ARFGEF2: variants seen among roughly 807,000 people sequenced by gnomAD.
ARFGEF2 encodes the protein brefeldin A-inhibited guanine nucleotide-exchange protein 2.
In ARFGEF2, 74 loss-of-function variants were observed where a neutral mutation model predicts 219.9. That is an observed-to-expected ratio of 0.34 (90% CI 0.28 to 0.41). ARFGEF2 has a LOEUF of 0.41. Ranked by LOEUF, ARFGEF2 falls within the 10% of genes least tolerant of loss-of-function variation. The pLI, the probability that ARFGEF2 is intolerant of heterozygous loss-of-function variation, is 1.00. For synonymous variants in ARFGEF2, 733 were observed against 799.2 expected, an observed-to-expected ratio of 0.92 and a Z score of 1.40; for missense variants, 1,743 against 2,218.3, an observed-to-expected ratio of 0.79 and a Z score of 4.30.
At chr20:49,020,335 G>A (rs1206067112) in intron 34 of ARFGEF2, among the ~76,000 whole-genome samples, 2 of 152,232 alleles carry the variant, frequency 1.3e-5, no homozygotes, top group East Asian at 1.9e-4. Flanking sequence ...AATAAAAGTA[G>A]TCACCCTTGA....
At chr20:48,950,546 A>G (rs1278991432) in intron 3 of ARFGEF2, among the ~76,000 whole-genome samples, 1 of 151,788 alleles carries the variant, frequency 6.6e-6, no homozygotes, top group Non-Finnish European at 1.5e-5. Context: ...TGTAATTCCA[A>G]CACTTTGAGA....
chr20:49,009,567 GATA>G (rs1174998979), intron 26 of ARFGEF2, among the ~76,000 whole-genome samples: 1 of 152,144 alleles, frequency 6.6e-6, no homozygotes, highest in Non-Finnish European at 1.5e-5. Flanking sequence ...CTATTTGTGA[GATA>G]ATAAGGTTCC....
At chr20:49,024,032 C>T (rs906902768) in intron 35 of ARFGEF2, among the ~76,000 whole-genome samples, 5 of 152,176 alleles carry the variant, frequency 3.3e-5, no homozygotes, top group African/African-American at 1.2e-4. Flanking sequence ...GGTGCAATCA[C>T]AGAATCACAG....
At chr20:48,945,154 A>C (rs570848391) in intron 3 of ARFGEF2, among the ~76,000 whole-genome samples, 1 of 152,142 alleles carries the variant, frequency 6.6e-6, no homozygotes, top group African/African-American at 2.4e-5. Context: ...AAGCCTGATT[A>C]TTTCTCAAAG....
chr20:48,996,105 A>G (rs2091384517), intron 23 of ARFGEF2, among the ~76,000 whole-genome samples: 1 of 152,200 alleles, frequency 6.6e-6, no homozygotes, highest in African/African-American at 2.4e-5. Context: ...GCTTATGTTG[A>G]TGTTTTAAAT....
chr20:48,941,635 G>A (rs544690868), intron 2 of ARFGEF2, among the ~76,000 whole-genome samples: 7 of 152,180 alleles, frequency 4.6e-5, no homozygotes, highest in African/African-American at 7.2e-5. Flanking sequence ...GCTGCCACCA[G>A]GATTCAGTCC....
At chr20:49,028,712 A>C in intron 37 of ARFGEF2, 44 bp downstream of exon 37, 2 of 1,585,096 alleles carry the variant, frequency 1.3e-6, no homozygotes, top group Non-Finnish European at 1.7e-6. Context: ...TGCTATATAC[A>C]AAATGCATCA....
chr20:48,989,867 T>TA (rs1453612479), intron 20 of ARFGEF2, among the ~76,000 whole-genome samples, 183 bp downstream of exon 20: 2 of 152,152 alleles, frequency 1.3e-5, no homozygotes, highest in Non-Finnish European at 2.9e-5. Context: ...AAAATGGAGA[T>TA]ACGGATTAAA....
Position 48,984,859 on chromosome 20 carries a change from G to C in ARFGEF2, c.2070+19G>C, listed in dbSNP as rs1468440577. On this transcript the variant is annotated intron_variant, in intron 15 of 38. Transcript: ENST00000371917. ...GGATTCCGTAAGGCTTGGGGGTGTA[G>C]CACTTGCATGTGAGTTCTGTCAGGT... The C allele has an allele frequency of 6.2e-7, 1 of 1,612,110 alleles. No individual in the cohort carries two copies. Among genetic ancestry groups the C allele is most frequent in the African/African-American group, 1.3e-5 (1 of 74,844 alleles).
intron 25 of ARFGEF2, among the ~76,000 whole-genome samples, chr20:49,004,359 G>T (rs1325114565): frequency 6.6e-6 from 1 of 151,888 alleles, no homozygotes; most frequent in Admixed American, 6.6e-5. Context: ...AAAGAAAAGA[G>T]TTCTGATTGG....
intron 3 of ARFGEF2, among the ~76,000 whole-genome samples, chr20:48,945,820 T>G (rs888960282): frequency 6.6e-6 from 1 of 152,108 alleles, no homozygotes; most frequent in African/African-American, 2.4e-5. Context: ...GCCGTGATGG[T>G]GACACCTAAC....
intron 26 of ARFGEF2, among the ~76,000 whole-genome samples, chr20:49,005,610 C>T (rs1426230468): frequency 1.3e-5 from 2 of 151,448 alleles, no homozygotes; most frequent in Non-Finnish European, 2.9e-5. Context: ...TGGTGGCGGG[C>T]GCCTATAGGT....
At chr20:48,936,415 G>T (rs2090957909) in intron 1 of ARFGEF2, among the ~76,000 whole-genome samples, 1 of 151,604 alleles carries the variant, frequency 6.6e-6, no homozygotes, top group Non-Finnish European at 1.5e-5. Flanking sequence ...TTCCCAGACG[G>T]GGTGGCTGCT....
intron 34 of ARFGEF2, 78 bp from the exon 35 acceptor site, chr20:49,022,973 A>G (rs1184479224): frequency 1.3e-6 from 2 of 1,585,212 alleles, no homozygotes; most frequent in Non-Finnish European, 1.7e-6. Context: ...CATGCCTTGC[A>G]CATAGTAGGA....
Position 49,013,901 on chromosome 20 carries a change from C to T in ARFGEF2, c.4120C>T (p.Leu1374=), listed in dbSNP as rs139603274. 4.8e-5 allele frequency: 78 copies of T among 1,614,018 alleles called. No homozygotes were observed. Among genetic ancestry groups the T allele is most frequent in the Middle Eastern group, 1.6e-4 (1 of 6,084 alleles). Residue 1374 remains leucine (L), a synonymous_variant, in exon 30 of 39, where the codon CTG becomes TTG. Coordinates refer to ENST00000371917, the MANE Select transcript of ARFGEF2 (RefSeq NM_006420.3). ...HTFEKHWWQD[L]FRIVFRIFDN... ...CTTTGAAAAGCACTGGTGGCAGGAC[C>T]TGTTCAGAATCGTGTTTCGGATTTT...
chr20:48,974,118 A>ATTTTT lies in ARFGEF2; in HGVS notation c.1666-627_1666-623dup, dbSNP rs57941437. 1.6e-3 allele frequency among the ~76,000 whole-genome samples: 111 copies of ATTTTT among 70,060 alleles called. 2 individuals are homozygous for ATTTTT. The highest frequency in any genetic ancestry group is 2.6e-3 in the African/African-American group (45 of 17,214). The allele number at this position is 70,060 out of a possible 152,430, so 46.0% of individuals were successfully genotyped here. A position where few individuals can be genotyped will look rare whatever the true frequency, so the allele number is the denominator to read the frequency against. ...CTTGTTATTTATTATTTGAGTGTGA[A>ATTTTT]TTTTTTTTTTTTTTTTTTTTTTTTT... On this transcript the variant is annotated intron_variant, in intron 12 of 38. Coordinates refer to ENST00000371917, the MANE Select transcript of ARFGEF2 (RefSeq NM_006420.3).
chr20:48,936,189 T>G (rs2090953878), intron 1 of ARFGEF2, among the ~76,000 whole-genome samples: 3 of 114,570 alleles, frequency 2.6e-5, no homozygotes, highest in Non-Finnish European at 5.3e-5. Flanking sequence ...CACTTCCCAG[T>G]AGGGGCGGCC....
rs928060755 is a variant in ARFGEF2, at chr20:48,982,514, G to A, written c.1959-2215G>A. 2.6e-5 allele frequency among the ~76,000 whole-genome samples: 4 copies of A among 152,206 alleles called. No homozygotes were observed. In the South Asian group the frequency reaches 8.3e-4, roughly 31 times the overall value. On this transcript the variant is annotated intron_variant, in intron 14 of 38. Transcript: ENST00000371917. Reference sequence around the variant, plus strand: ...TCAGAGCTCAAACACCATGCTGGGAGAACCACTGCTGAGAGCTGTCAGACA... The same window carrying A: ...TCAGAGCTCAAACACCATGCTGGGAAAACCACTGCTGAGAGCTGTCAGACA...
intron 3 of ARFGEF2, among the ~76,000 whole-genome samples, chr20:48,944,901 G>A (rs201635391): frequency 6.6e-6 from 1 of 152,258 alleles, no homozygotes; most frequent in East Asian, 1.9e-4. Flanking sequence ...TAGTCTGCTT[G>A]GGTTGGTGTA....
Sources: gnomAD v4.1 joint callset for allele counts (sites outside exome capture counted in the v4.1 genomes callset) on GRCh38, gnomAD v4.1.1 for gene constraint, MANE v1.5 for transcripts, NCBI Gene and HGNC (gene_info 2026-07-23, HGNC 2026-07-21) for gene names.